RBMS2: variants seen among roughly 807,000 people sequenced by gnomAD.
RBMS2 encodes RNA binding motif single stranded interacting protein 2.
RBMS2 carries 38 observed loss-of-function variants against 58.4 expected under a neutral mutation model. The ratio of observed to expected loss-of-function variants is 0.65; its 90% CI spans 0.50 to 0.85. RBMS2 has a LOEUF of 0.85. RBMS2 is among the 40% of genes least tolerant of loss of function. RBMS2 has a pLI of 0.00. For missense variants in RBMS2, 367 were observed against 503.7 expected (o/e 0.73, Z 2.60); for synonymous variants, 151 against 180.7 (o/e 0.84, Z 1.32).
At chr12:56,549,803 G>A (rs2136340534) in intron 1 of RBMS2, among the ~76,000 whole-genome samples, 1 of 152,206 alleles carries the variant, frequency 6.6e-6, no homozygotes, top group African/African-American at 2.4e-5. Flanking sequence ...GAGGCGGGCA[G>A]ATCCACCTGA....
rs1592513297 is a variant in RBMS2 at position 56,586,707 on chromosome 12, A to G, written c.874-142A>G. 4.6e-5 allele frequency: 31 copies of G among 668,804 alleles called. No individual in the cohort carries two copies. In the East Asian group the frequency reaches 8.8e-4, roughly 19 times the overall value. The allele number at this position is 668,804 out of a possible 1,614,324, so 41.4% of individuals were successfully genotyped here. A position where few individuals can be genotyped will look rare whatever the true frequency, so the allele number is the denominator to read the frequency against. On this transcript the variant is annotated intron_variant, in intron 9 of 13. Transcript: ENST00000262031. ...TATTTATTGAGTTTTAAGAATTGCT[A>G]ATATTTTAAAAACAGTTTTTCTTAA...
intron 2 of RBMS2, among the ~76,000 whole-genome samples, chr12:56,567,337 A>C (rs1278830403): frequency 6.6e-6 from 1 of 151,046 alleles, no homozygotes; most frequent in Non-Finnish European, 1.5e-5. Context: ...GTGAGCTGAG[A>C]TCACACCATT....
chr12:56,538,466 CTTTTTTTTTTT>C (rs58534515), intron 1 of RBMS2, among the ~76,000 whole-genome samples: 1 of 72,500 alleles, frequency 1.4e-5, no homozygotes, highest in Non-Finnish European at 2.5e-5. Context: ...GTACTGATAT[CTTTTTTTTTTT>C]TTTTTTTTTT....
At chr12:56,579,406 G>A (rs1192123239) in intron 5 of RBMS2, among the ~76,000 whole-genome samples, 6 of 152,116 alleles carry the variant, frequency 3.9e-5, no homozygotes, top group South Asian at 2.1e-4. Context: ...TGAGGCGGGC[G>A]GATCACGAGG....
At chr12:56,573,929 C>T (rs1882745609) in intron 5 of RBMS2, among the ~76,000 whole-genome samples, 1 of 152,148 alleles carries the variant, frequency 6.6e-6, no homozygotes, top group Non-Finnish European at 1.5e-5. Flanking sequence ...CAACCTCTGC[C>T]TCCCGGGTTC....
chr12:56,523,081 CAA>C (rs1471296189), intron 1 of RBMS2, among the ~76,000 whole-genome samples: 1 of 152,178 alleles, frequency 6.6e-6, no homozygotes, highest in Non-Finnish European at 1.5e-5. Context: ...GATTTAAACA[CAA>C]GTGTCTGATC....
chr12:56,534,202 G>C (rs1210422580), intron 1 of RBMS2, among the ~76,000 whole-genome samples: 1 of 152,014 alleles, frequency 6.6e-6, no homozygotes, highest in Non-Finnish European at 1.5e-5. Flanking sequence ...ATTTTTTCAT[G>C]CTTTACAATA....
intron 1 of RBMS2, among the ~76,000 whole-genome samples, chr12:56,529,948 T>C (rs1429743059): frequency 6.6e-6 from 1 of 152,230 alleles, no homozygotes; most frequent in Non-Finnish European, 1.5e-5. Flanking sequence ...CTCACTCTGT[T>C]GCCCAGGCTG....
chr12:56,581,259 A>C lies in RBMS2; in HGVS notation c.618A>C (p.Val206=). ...NGKYIKTPPG[V]PAPSDPLLCK... The stretch of plus-strand genomic sequence containing the variant: ...AATATATTAAGACACCCCCTGGAGT[A>C]CCAGGTGAGGCATCTGGGGCTCAGG... Residue 206 remains valine (V), a synonymous_variant, in exon 6 of 14, where the codon GTA becomes GTC. Coordinates refer to ENST00000262031, the MANE Select transcript of RBMS2 (RefSeq NM_002898.4). 1 of 1,601,220 alleles carries C rather than the reference A, an allele frequency of 6.2e-7. No individual in the cohort carries two copies. The highest frequency in any genetic ancestry group is 2.2e-5 in the East Asian group (1 of 44,812).
chr12:56,578,218 T>A (rs1280511707), intron 5 of RBMS2, among the ~76,000 whole-genome samples: 2 of 152,016 alleles, frequency 1.3e-5, no homozygotes, highest in African/African-American at 4.8e-5. Context: ...AAACTCCGCC[T>A]CCCGGGTTCA....
At chr12:56,525,235 A>G (rs573971683) in intron 1 of RBMS2, among the ~76,000 whole-genome samples, 2 of 151,374 alleles carry the variant, frequency 1.3e-5, no homozygotes, top group East Asian at 3.9e-4. Context: ...TTATTTATTT[A>G]TTTTGAGACA....
chr12:56,589,291 A>G lies in RBMS2; in HGVS notation c.*158A>G, dbSNP rs1268437213. The G allele has an allele frequency of 7.2e-7, 1 of 1,397,518 alleles. No homozygotes were observed. The highest frequency in any genetic ancestry group is 9.4e-7 in the Non-Finnish European group (1 of 1,063,156). The allele number at this position is 1,397,518 out of a possible 1,614,324, so 86.6% of individuals were successfully genotyped here. On this transcript the variant is annotated 3_prime_UTR_variant, in exon 14 of 14. Coordinates refer to ENST00000262031, the MANE Select transcript of RBMS2 (RefSeq NM_002898.4). ...CGTTTTTCACAGGCCTGGGCCTGGA[A>G]AAAGAAATCTCTACGTTCCTGCCCT... is the stretch of plus-strand genomic sequence containing the variant.
intron 5 of RBMS2, among the ~76,000 whole-genome samples, chr12:56,574,093 A>G (rs1288490235): frequency 6.6e-6 from 1 of 152,146 alleles, no homozygotes; most frequent in Non-Finnish European, 1.5e-5. Flanking sequence ...CAGCCGCCTC[A>G]GCCTCCCAAA....
rs373481141 is a variant in RBMS2 at position 56,559,895 on chromosome 12, CTTT to C, written c.67-2507_67-2505del. ...AAAAAAGGATTTAGGTCACAATCTT[CTTT>C]TTTTTTTTTTTTTTGAGACGGAGTC... On this transcript the variant is annotated intron_variant, in intron 1 of 13. Coordinates refer to ENST00000262031, the MANE Select transcript of RBMS2 (RefSeq NM_002898.4). 2.5e-3 allele frequency among the ~76,000 whole-genome samples: 211 copies of C among 83,536 alleles called. 2 individuals are homozygous for C. The highest frequency in any genetic ancestry group is 6.2e-3 in the East Asian group (14 of 2,260). The allele number at this position is 83,536 out of a possible 152,430, so 54.8% of individuals were successfully genotyped here.
chr12:56,550,027 G>GA (rs1877963039), intron 1 of RBMS2, among the ~76,000 whole-genome samples: 38 of 150,092 alleles, frequency 2.5e-4, no homozygotes, highest in African/African-American at 8.1e-4. Flanking sequence ...ACTCCGTCTC[G>GA]CAAAAAAAAG....
At chr12:56,543,678 C>T (rs548522973) in intron 1 of RBMS2, among the ~76,000 whole-genome samples, 2 of 149,964 alleles carry the variant, frequency 1.3e-5, no homozygotes, top group East Asian at 2.1e-4. Flanking sequence ...TTTTTGGAGG[C>T]GGGGGTGGAG....
At chr12:56,521,751 T>C (rs1409645519), upstream of RBMS2, among the ~76,000 whole-genome samples, 1 of 151,908 alleles carries the variant, frequency 6.6e-6, no homozygotes, top group Admixed American at 6.6e-5. Context: ...ATCTTGGGCA[T>C]TAGGACCCAG....
chr12:56,567,449 AGAAG>A (rs1881554799), intron 2 of RBMS2, among the ~76,000 whole-genome samples: 1 of 151,816 alleles, frequency 6.6e-6, no homozygotes, highest in Non-Finnish European at 1.5e-5. Context: ...AGGAAGAAGA[AGAAG>A]AAAGAAGAAG....
At chr12:56,548,689 G>A (rs963981212) in intron 1 of RBMS2, among the ~76,000 whole-genome samples, 1 of 152,154 alleles carries the variant, frequency 6.6e-6, no homozygotes, top group African/African-American at 2.4e-5. Flanking sequence ...CGTTGCATTA[G>A]GAATTTTGAT....
Sources: allele counts gnomAD v4.1 joint callset (sites outside exome capture counted in the v4.1 genomes callset), GRCh38; gene constraint gnomAD v4.1.1; transcripts MANE v1.5; gene names NCBI Gene and HGNC (gene_info 2026-07-23, HGNC 2026-07-21).